UBE2E2: variants seen among roughly 807,000 people sequenced by gnomAD.
UBE2E2 encodes the protein ubiquitin conjugating enzyme E2 E2, also known as ubiquitin-conjugating enzyme E2 E2.
A neutral mutation model predicts 24.7 loss-of-function variants in UBE2E2; 6 were observed. The observed-to-expected ratio is 0.24, with a 90% CI of 0.13 to 0.48. The LOEUF (loss-of-function observed/expected upper bound fraction) is 0.48. Among genes scored for constraint, UBE2E2 ranks in the 20% least tolerant of loss-of-function variants. The pLI is 0.99. For synonymous variants in UBE2E2, 104 were observed against 83.6 expected (o/e 1.24, Z -1.33); for missense variants, 169 against 245.0 (o/e 0.69, Z 2.07).
At chr3:23,460,678 G>A (rs1455189413) in intron 3 of UBE2E2, among the ~76,000 whole-genome samples, 1 of 152,156 alleles carries the variant, frequency 6.6e-6, no homozygotes, top group Non-Finnish European at 1.5e-5. Flanking sequence ...GGTTGTCATG[G>A]GAGTGTTCCT....
At chr3:23,446,699 G>GTTTTTTTTT (rs57327621) in intron 3 of UBE2E2, among the ~76,000 whole-genome samples, 14 of 112,216 alleles carry the variant, frequency 1.2e-4, no homozygotes, top group East Asian at 2.9e-4. Flanking sequence ...CGTCTGTTTG[G>GTTTTTTTTT]TTTTTTTTTT....
intron 3 of UBE2E2, among the ~76,000 whole-genome samples, chr3:23,441,914 C>G (rs1298394728): frequency 6.6e-6 from 1 of 151,948 alleles, no homozygotes; most frequent in Non-Finnish European, 1.5e-5. Flanking sequence ...TATTCAAAGA[C>G]GTTTCATATT....
chr3:23,414,450 G>A lies in UBE2E2; in HGVS notation c.228-85158G>A, dbSNP rs893324970. On this transcript the variant is annotated intron_variant, in intron 3 of 5. Coordinates refer to ENST00000396703, the MANE Select transcript of UBE2E2 (RefSeq NM_152653.4). Reference sequence around the variant, plus strand: ...TCAGAAACAGGGATGGTGGTAAACCGTTCATGAAGGATCCACCTCCACAAT... The same window carrying A: ...TCAGAAACAGGGATGGTGGTAAACCATTCATGAAGGATCCACCTCCACAAT... 5.9e-5 allele frequency among the ~76,000 whole-genome samples: 9 copies of A among 152,154 alleles called. No individual in the cohort carries two copies. In the South Asian group the frequency reaches 1.0e-3, roughly 18 times the overall value.
At chr3:23,505,373 A>G (rs756346171) in intron 4 of UBE2E2, among the ~76,000 whole-genome samples, 4 of 152,198 alleles carry the variant, frequency 2.6e-5, no homozygotes, top group Non-Finnish European at 5.9e-5. Flanking sequence ...GACATAAAAA[A>G]TAAGTGTAAA....
intron 3 of UBE2E2, among the ~76,000 whole-genome samples, chr3:23,380,945 C>G (rs1273461507): frequency 6.6e-6 from 1 of 152,022 alleles, no homozygotes; most frequent in African/African-American, 2.4e-5. Flanking sequence ...ATTTGGGAAC[C>G]GTTTGAGTTA....
intron 3 of UBE2E2, among the ~76,000 whole-genome samples, chr3:23,343,685 A>T (rs1695466198): frequency 6.6e-6 from 1 of 152,186 alleles, no homozygotes; most frequent in African/African-American, 2.4e-5. Flanking sequence ...TGCCAGATTT[A>T]AAAAAAGAAC....
intron 3 of UBE2E2, among the ~76,000 whole-genome samples, chr3:23,226,681 T>C (rs1425460303): frequency 1.3e-5 from 2 of 152,208 alleles, no homozygotes; most frequent in Non-Finnish European, 2.9e-5. Context: ...AGTATAGTTA[T>C]TCTTGGGACA....
intron 3 of UBE2E2, among the ~76,000 whole-genome samples, chr3:23,242,317 T>A (rs577734307): frequency 1.3e-5 from 2 of 152,070 alleles, no homozygotes; most frequent in South Asian, 4.2e-4. Context: ...TAGTAATCTG[T>A]TGCATAGAAC....
chr3:23,242,321 A>G (rs62255293), intron 3 of UBE2E2, among the ~76,000 whole-genome samples: 27,396 of 151,778 alleles, frequency 0.18, 2,658 homozygotes, highest in South Asian at 0.29. Context: ...AATCTGTTGC[A>G]TAGAACTTTG....
chr3:23,231,774 C>T lies in UBE2E2; in HGVS notation c.227+14462C>T, dbSNP rs140459552. Among the ~76,000 whole-genome samples, 432 of 152,254 alleles carry T rather than the reference C, an allele frequency of 2.8e-3. 2 individuals are homozygous for T. The highest frequency in any genetic ancestry group is 4.6e-3 in the Non-Finnish European group (316 of 68,018). On this transcript the variant is annotated intron_variant, in intron 3 of 5. Transcript: ENST00000396703. ...TGGGTTTGTTTGATTAACTAGAGTG[C>T]TCACAGAACTCAGGGAACCATGTTT... is the stretch of plus-strand genomic sequence containing the variant.
intron 4 of UBE2E2, among the ~76,000 whole-genome samples, chr3:23,508,906 A>T (rs1343097336): frequency 6.6e-6 from 1 of 152,224 alleles, no homozygotes; most frequent in East Asian, 1.9e-4. Context: ...CTTTGCCTTC[A>T]GGGCTCAGAA....
At chr3:23,499,898 T>A (rs1018023809) in intron 4 of UBE2E2, among the ~76,000 whole-genome samples, 158 bp downstream of exon 4, 1 of 152,196 alleles carries the variant, frequency 6.6e-6, no homozygotes, top group African/African-American at 2.4e-5. Context: ...ATGTAAAAAA[T>A]TGTAGGTTAT....
intron 3 of UBE2E2, among the ~76,000 whole-genome samples, chr3:23,361,618 G>A (rs746712667): frequency 6.6e-6 from 1 of 152,188 alleles, no homozygotes; most frequent in Non-Finnish European, 1.5e-5. Flanking sequence ...GTAAGTGGAA[G>A]CTAAGCTATG....
At chr3:23,516,188 C>T (rs566221530) in intron 4 of UBE2E2, among the ~76,000 whole-genome samples, 6 of 152,152 alleles carry the variant, frequency 3.9e-5, no homozygotes, top group South Asian at 2.1e-4. Flanking sequence ...ACTTTTTTCC[C>T]TCAAAAGATT....
intron 5 of UBE2E2, among the ~76,000 whole-genome samples, chr3:23,540,625 A>T (rs949207520): frequency 6.6e-6 from 1 of 152,090 alleles, no homozygotes; most frequent in East Asian, 1.9e-4. Flanking sequence ...GGCTGGTCTC[A>T]AACTCCTGAC....
chr3:23,464,216 G>C (rs1457263638), intron 3 of UBE2E2, among the ~76,000 whole-genome samples: 1 of 152,094 alleles, frequency 6.6e-6, no homozygotes, highest in Non-Finnish European at 1.5e-5. Flanking sequence ...TTTTACGGTA[G>C]ATTGGCTGTT....
chr3:23,405,821 A>G (rs1177407469), intron 3 of UBE2E2, among the ~76,000 whole-genome samples: 2 of 152,222 alleles, frequency 1.3e-5, no homozygotes, highest in Non-Finnish European at 2.9e-5. Context: ...CCAAATTTGC[A>G]TAATTCTCCT....
At chr3:23,535,363 C>G (rs1695229572) in intron 5 of UBE2E2, among the ~76,000 whole-genome samples, 1 of 152,170 alleles carries the variant, frequency 6.6e-6, no homozygotes, top group Non-Finnish European at 1.5e-5. Flanking sequence ...TTGAATTTAA[C>G]TGGGGAGATA....
chr3:23,305,843 C>T (rs1699223771), intron 3 of UBE2E2, among the ~76,000 whole-genome samples: 1 of 152,176 alleles, frequency 6.6e-6, no homozygotes, highest in Admixed American at 6.5e-5. Context: ...TCTCCTCTTG[C>T]CTTAGCTTCC....
Sources: allele counts gnomAD v4.1 joint callset (sites outside exome capture counted in the v4.1 genomes callset), GRCh38; gene constraint gnomAD v4.1.1; transcripts MANE v1.5; gene names NCBI Gene and HGNC (gene_info 2026-07-23, HGNC 2026-07-21).